PACRG: variants seen among roughly 807,000 people sequenced by gnomAD.
PACRG encodes parkin coregulated, also known as parkin coregulated gene protein.
Under a neutral mutation model 29.7 loss-of-function variants are expected in PACRG, and 29 were observed. That is an observed-to-expected ratio of 0.98 (90% CI 0.73 to 1.33). The LOEUF (loss-of-function observed/expected upper bound fraction) is 1.33, where lower values mean the gene tolerates loss of function less well. Ranked by LOEUF, PACRG falls within the 40% of genes most tolerant of loss-of-function variation. The pLI is 0.00. For synonymous variants in PACRG, 116 were observed against 118.7 expected (o/e 0.98, Z 0.15); for missense variants, 279 against 316.2 (o/e 0.88, Z 0.89).
chr6:162,830,407 C>T (rs1035694996), intron 2 of PACRG, among the ~76,000 whole-genome samples: 3 of 152,176 alleles, frequency 2.0e-5, no homozygotes, highest in Non-Finnish European at 4.4e-5. Context: ...ACAAAACTCC[C>T]AGGTCTCCCG....
At chr6:163,154,624 T>C (rs1314609970) in intron 4 of PACRG, among the ~76,000 whole-genome samples, 1 of 152,164 alleles carries the variant, frequency 6.6e-6, no homozygotes, top group Non-Finnish European at 1.5e-5. Context: ...ACTGCCAGAT[T>C]CACAAAGAAA....
intron 3 of PACRG, among the ~76,000 whole-genome samples, chr6:163,085,775 T>C (rs1299127379): frequency 6.6e-6 from 1 of 152,254 alleles, no homozygotes; most frequent in Non-Finnish European, 1.5e-5. Flanking sequence ...CTTGATTGTC[T>C]GCTTAAACGC....
chr6:163,290,486 G>T (rs1296665362), intron 4 of PACRG, among the ~76,000 whole-genome samples: 1 of 152,216 alleles, frequency 6.6e-6, no homozygotes, highest in African/African-American at 2.4e-5. Flanking sequence ...CCAATGGGAA[G>T]AAGGTGGGGA....
chr6:163,150,194 G>C (rs966418637), intron 4 of PACRG, among the ~76,000 whole-genome samples: 9 of 152,184 alleles, frequency 5.9e-5, no homozygotes. Context: ...CTGCGCCTCA[G>C]TTTGATCATC....
intron 3 of PACRG, among the ~76,000 whole-genome samples, chr6:163,076,588 A>G (rs556336818): frequency 6.6e-6 from 1 of 152,340 alleles, no homozygotes; most frequent in South Asian, 2.1e-4. Flanking sequence ...GATTCCCACT[A>G]TCTGGCTGAA....
At chr6:162,967,332 A>G (rs973984367) in intron 2 of PACRG, among the ~76,000 whole-genome samples, 6 of 152,100 alleles carry the variant, frequency 3.9e-5, no homozygotes, top group African/African-American at 1.4e-4. Flanking sequence ...TATTTCCTAT[A>G]GAAATCTGAA....
intron 4 of PACRG, among the ~76,000 whole-genome samples, chr6:163,133,264 C>T (rs1816804023): frequency 6.6e-6 from 1 of 152,200 alleles, no homozygotes; most frequent in Non-Finnish European, 1.5e-5. Flanking sequence ...AACTCAGTCA[C>T]ATGACCACAC....
At chr6:163,008,120 C>T (rs1402036974) in intron 2 of PACRG, among the ~76,000 whole-genome samples, 1 of 152,124 alleles carries the variant, frequency 6.6e-6, no homozygotes, top group Non-Finnish European at 1.5e-5. Context: ...TTGAGCTGCC[C>T]TCAATGTTAT....
intron 4 of PACRG, among the ~76,000 whole-genome samples, chr6:163,175,209 C>T (rs554558661): frequency 6.6e-6 from 1 of 152,286 alleles, no homozygotes; most frequent in South Asian, 2.1e-4. Flanking sequence ...CCGATCTGCC[C>T]TCCTAAGATA....
chr6:163,000,314 GCATTTT>G (rs1005792895), intron 2 of PACRG, among the ~76,000 whole-genome samples: 4 of 152,180 alleles, frequency 2.6e-5, no homozygotes, highest in African/African-American at 9.6e-5. Context: ...ACTTCTTGCT[GCATTTT>G]CTGTTTTCGC....
rs149824785 is a variant in PACRG at position 163,277,310 on chromosome 6, C to T, written c.614-37517C>T. Among the ~76,000 whole-genome samples the T allele has an allele frequency of 3.8e-3, 585 of 152,070 alleles. 2 individuals are homozygous for T. Among genetic ancestry groups the T allele is most frequent in the Non-Finnish European group, 6.6e-3 (451 of 67,996 alleles). On this transcript the variant is annotated intron_variant, in intron 4 of 4. Coordinates refer to ENST00000366888, the MANE Select transcript of PACRG (RefSeq NM_001080379.2). ...CCAATGTATCATTCTCATGCCTTTG[C>T]GTCCTCATAGTTTAGCTCCCATGTA...
intron 2 of PACRG, among the ~76,000 whole-genome samples, chr6:162,867,698 T>G (rs897390897): frequency 1.3e-5 from 2 of 152,162 alleles, no homozygotes; most frequent in African/African-American, 4.8e-5. Context: ...TTTAAAATAT[T>G]TTCTCCCTGT....
chr6:162,978,465 G>A (rs1374290318), intron 2 of PACRG, among the ~76,000 whole-genome samples: 1 of 126,944 alleles, frequency 7.9e-6, no homozygotes, highest in Non-Finnish European at 1.7e-5. Flanking sequence ...CTGTCTGTCT[G>A]TCTCTCTCAC....
intron 2 of PACRG, among the ~76,000 whole-genome samples, chr6:162,890,870 G>A (rs1020019163): frequency 3.9e-5 from 6 of 152,184 alleles, no homozygotes; most frequent in African/African-American, 1.4e-4. Flanking sequence ...TCAAGTCTCT[G>A]TGGCTGATGG....
intron 4 of PACRG, among the ~76,000 whole-genome samples, chr6:163,097,894 G>A (rs549498574): frequency 6.6e-6 from 1 of 152,152 alleles, no homozygotes; most frequent in African/African-American, 2.4e-5. Context: ...GGACTGGGAG[G>A]GTATGGAATG....
At chr6:162,728,807 A>C (rs566378835) in intron 1 of PACRG, among the ~76,000 whole-genome samples, 2 of 152,272 alleles carry the variant, frequency 1.3e-5, no homozygotes, top group East Asian at 3.9e-4. Flanking sequence ...GGGAACATAA[A>C]CTCATGAAAT....
intron 1 of PACRG, among the ~76,000 whole-genome samples, chr6:162,798,775 A>T (rs1451483026): frequency 6.6e-6 from 1 of 152,180 alleles, no homozygotes; most frequent in Admixed American, 6.5e-5. Flanking sequence ...AAAAATCAAA[A>T]ATACAGTAAC....
chr6:162,769,124 A>G (rs1421278222), intron 1 of PACRG, among the ~76,000 whole-genome samples: 2 of 152,154 alleles, frequency 1.3e-5, no homozygotes, highest in Non-Finnish European at 2.9e-5. Context: ...ACAGTAAAAC[A>G]GCATATGGGG....
At chr6:163,262,392 A>C (rs1783360050) in intron 4 of PACRG, among the ~76,000 whole-genome samples, 1 of 152,196 alleles carries the variant, frequency 6.6e-6, no homozygotes. Context: ...AGGCGGGGGA[A>C]TATATATCTG....
Sources: allele counts gnomAD v4.1 joint callset (sites outside exome capture counted in the v4.1 genomes callset), GRCh38; gene constraint gnomAD v4.1.1; transcripts MANE v1.5; gene names NCBI Gene and HGNC (gene_info 2026-07-23, HGNC 2026-07-21).